CABCOCO1: variants seen among roughly 807,000 people sequenced by gnomAD.
CABCOCO1 encodes the protein ciliary associated calcium binding coiled-coil 1.
CABCOCO1 carries 28 observed loss-of-function variants against 35.7 expected under a neutral mutation model. The observed-to-expected ratio is 0.78, with a 90% CI of 0.58 to 1.07. The LOEUF is 1.07. CABCOCO1 is among the 50% of genes least tolerant of loss of function. CABCOCO1 has a pLI of 0.00. For missense variants in CABCOCO1, 326 were observed against 309.2 expected (o/e 1.05, Z -0.41); for synonymous variants, 95 against 100.1 (o/e 0.95, Z 0.30).
intron 5 of CABCOCO1, among the ~76,000 whole-genome samples, chr10:61,756,662 A>G (rs1436090451): frequency 1.3e-5 from 2 of 152,102 alleles, no homozygotes; most frequent in Non-Finnish European, 2.9e-5. Flanking sequence ...AAATGGATGT[A>G]TGTGTATAAT....
At chr10:61,751,821 A>G (rs559301962) in intron 5 of CABCOCO1, among the ~76,000 whole-genome samples, 7 of 152,192 alleles carry the variant, frequency 4.6e-5, no homozygotes, top group Non-Finnish European at 8.8e-5. Flanking sequence ...CCTACTCTCA[A>G]CTGAGCAGCA....
At chr10:61,665,838 G>A (rs1198091353) in intron 1 of CABCOCO1, among the ~76,000 whole-genome samples, 1 of 149,402 alleles carries the variant, frequency 6.7e-6, no homozygotes, top group Non-Finnish European at 1.5e-5. Context: ...AGTGAGCCGA[G>A]ATCGCGCCAC....
At chr10:61,694,027 A>G (rs1216244745) in intron 5 of CABCOCO1, among the ~76,000 whole-genome samples, 2 of 151,992 alleles carry the variant, frequency 1.3e-5, no homozygotes, top group African/African-American at 4.8e-5. Context: ...AATATTGGCC[A>G]CATAGTTGAT....
intron 3 of CABCOCO1, among the ~76,000 whole-genome samples, chr10:61,684,511 C>G (rs1264807854): frequency 2.6e-5 from 4 of 152,284 alleles, no homozygotes; most frequent in South Asian, 2.1e-4. Flanking sequence ...TGTTTTAAAT[C>G]TCCACCCATT....
At chr10:61,670,746 A>G (rs757906755) in intron 1 of CABCOCO1, among the ~76,000 whole-genome samples, 1 of 152,132 alleles carries the variant, frequency 6.6e-6, no homozygotes, top group African/African-American at 2.4e-5. Context: ...ATTTTTGTGT[A>G]GCTGCTGCTG....
Position 61,766,028 on chromosome 10 carries a change from G to T in CABCOCO1, c.*15G>T, listed in dbSNP as rs781701941. 6 of 1,602,264 alleles carry T rather than the reference G, an allele frequency of 3.7e-6. No homozygotes were observed. Among genetic ancestry groups the T allele is most frequent in the East Asian group, 4.5e-5 (2 of 44,798 alleles). On this transcript the variant is annotated 3_prime_UTR_variant, in exon 8 of 8. Coordinates refer to ENST00000648843, the MANE Select transcript of CABCOCO1 (RefSeq NM_001366906.2). ...AAAAGGCCTAAGGACTTGGTACAAG[G>T]AGAGTGATGCTAAACTTCACAGAAA...
rs747130953 is a variant in CABCOCO1, at chr10:61,663,005, C to CCCGGCAGGGCCGACT, written c.38_39insAGGGCCGACTCCGGC (p.Pro10_Gly14dup). ...AGGGGACGACTCCCTGGGGGCCGAC[C>CCCGGCAGGGCCGACT]CCGGCGGGAACCACGCCCGAATCGG... is the stretch of plus-strand genomic sequence containing the variant. On this transcript the variant is annotated inframe_insertion, in exon 1 of 8. Transcript: ENST00000648843. 37 of 336,368 alleles carry CCCGGCAGGGCCGACT rather than the reference C, an allele frequency of 1.1e-4. No individual in the cohort carries two copies. The East Asian group carries it at 6.0e-3, about 55-fold the overall frequency. 20.8% of individuals were successfully genotyped at this position (336,368 alleles called of 1,614,324 possible).
rs962792980 is a variant in CABCOCO1 at position 61,691,839 on chromosome 10, C to G, written c.552+1218C>G. Among the ~76,000 whole-genome samples, 4 of 152,232 alleles carry G rather than the reference C, an allele frequency of 2.6e-5. 1 individual carries two copies. In the South Asian group the frequency reaches 8.3e-4, roughly 32 times the overall value. ...GACATGAACTCATCCTTTTTTATGG[C>G]TGCATAGTATTCCATGGTGTATATG... On this transcript the variant is annotated intron_variant, in intron 5 of 7. Transcript: ENST00000648843.
chr10:61,689,195 A>G (rs560377127), intron 4 of CABCOCO1, among the ~76,000 whole-genome samples: 1 of 152,292 alleles, frequency 6.6e-6, no homozygotes, highest in African/African-American at 2.4e-5. Context: ...TATAGTCTTT[A>G]ATTTTTCTAC....
At chr10:61,737,966 T>C (rs939834103) in intron 5 of CABCOCO1, among the ~76,000 whole-genome samples, 4 of 152,032 alleles carry the variant, frequency 2.6e-5, no homozygotes, top group African/African-American at 9.7e-5. Context: ...TAAAAATTTT[T>C]TTAAATGATA....
chr10:61,678,257 T>G (rs1191510424), intron 2 of CABCOCO1, among the ~76,000 whole-genome samples: 2 of 152,164 alleles, frequency 1.3e-5, no homozygotes, highest in Non-Finnish European at 2.9e-5. Context: ...ATTTATCCCA[T>G]AACAATACCA....
Position 61,765,234 on chromosome 10 carries a change from G to C in CABCOCO1, c.817-705G>C, listed in dbSNP as rs111884126. Among the ~76,000 whole-genome samples, 974 of 152,198 alleles carry C rather than the reference G, an allele frequency of 6.4e-3. 7 individuals carry two copies. The highest frequency in any genetic ancestry group is 0.021 in the African/African-American group (866 of 41,512). On this transcript the variant is annotated intron_variant, in intron 7 of 7. Coordinates refer to ENST00000648843, the MANE Select transcript of CABCOCO1 (RefSeq NM_001366906.2). ...TAATTTTATTATCCCTTGTGAAAAAGGGAAGACATTTCCAGGGCTACTAAT... is the reference window on the plus strand; with the variant it reads ...TAATTTTATTATCCCTTGTGAAAAACGGAAGACATTTCCAGGGCTACTAAT...
intron 2 of CABCOCO1, among the ~76,000 whole-genome samples, chr10:61,676,124 A>G (rs1412449624): frequency 6.6e-6 from 1 of 152,222 alleles, no homozygotes; most frequent in African/African-American, 2.4e-5. Flanking sequence ...GTAGGAAGTC[A>G]AAAGTATATG....
At chr10:61,697,162 G>A (rs998166734) in intron 5 of CABCOCO1, among the ~76,000 whole-genome samples, 2 of 151,946 alleles carry the variant, frequency 1.3e-5, no homozygotes, top group African/African-American at 4.8e-5. Context: ...CTTCTCTGTA[G>A]ACATATGTAC....
chr10:61,760,967 G>A lies in CABCOCO1; in HGVS notation c.780G>A (p.Leu260=). The change falls in exon 7 of 8, where the codon CTG becomes CTA. Residue 260 remains leucine (L), a synonymous_variant. Transcript: ENST00000648843. Reference sequence around the variant, plus strand: ...CCATTGAAGATGTAAAATCAGTGCTGGATCAAGTCACAGATGACATTTTAA... The same window carrying A: ...CCATTGAAGATGTAAAATCAGTGCTAGATCAAGTCACAGATGACATTTTAA... ...GFTIEDVKSV[L]DQVTDDILIG... is the part of the protein sequence containing the mutation. 1 of 1,612,474 alleles carries A rather than the reference G, an allele frequency of 6.2e-7. No individual in the cohort carries two copies. Among genetic ancestry groups the A allele is most frequent in the Non-Finnish European group, 8.5e-7 (1 of 1,179,052 alleles).
At position 61,666,618 on chromosome 10, in the gene CABCOCO1, T is replaced by C. The variant is rs141631390; in HGVS notation, c.60+3586T>C. 3.3e-5 allele frequency among the ~76,000 whole-genome samples: 5 copies of C among 152,266 alleles called. No homozygotes were observed. In the East Asian group the frequency reaches 9.6e-4, roughly 29 times the overall value. On this transcript the variant is annotated intron_variant, in intron 1 of 7. Coordinates refer to ENST00000648843, the MANE Select transcript of CABCOCO1 (RefSeq NM_001366906.2). ...TCTCCCTTCTGTCTTCCTCCCTAGA[T>C]GGCACAAATAGTCTTCAAAATTTTT...
At chr10:61,763,923 T>G (rs1842058050) in intron 7 of CABCOCO1, among the ~76,000 whole-genome samples, 1 of 152,010 alleles carries the variant, frequency 6.6e-6, no homozygotes, top group African/African-American at 2.4e-5. Flanking sequence ...AGCCTTTAGA[T>G]CCAAACTCTG....
Position 61,760,903 on chromosome 10 carries a change from A to T in CABCOCO1, c.716A>T (p.Glu239Val). 6.2e-7 allele frequency: 1 copy of T among 1,612,758 alleles called. No homozygotes were observed. The highest frequency in any genetic ancestry group is 1.7e-5 in the Admixed American group (1 of 59,848). ...CAAGGCCCTGAGGAGTCTCAGCCAG[A>T]AACTGACACCTCAGACATGGATCCT... ...QEQGPEESQP[E>V]TDTSDMDPLV... The change falls in exon 7 of 8, where the codon GAA becomes GTA. Residue 239 changes from glutamate to valine, a missense_variant. Physicochemically the swap from Glu to Val is moderately radical, Grantham distance 121. Transcript: ENST00000648843.
At chr10:61,694,576 TATA>T (rs1840243929) in intron 5 of CABCOCO1, among the ~76,000 whole-genome samples, 1 of 151,888 alleles carries the variant, frequency 6.6e-6, no homozygotes, top group Non-Finnish European at 1.5e-5. Context: ...AATGGCAAAC[TATA>T]ATTTGGTCAA....
Sources: gnomAD v4.1 joint callset for allele counts (sites outside exome capture counted in the v4.1 genomes callset) on GRCh38, gnomAD v4.1.1 for gene constraint, MANE v1.5 for transcripts, NCBI Gene and HGNC (gene_info 2026-07-23, HGNC 2026-07-21) for gene names.